CDH18: variants seen among roughly 807,000 people sequenced by gnomAD.
The protein encoded by CDH18 is cadherin-18.
CDH18 carries 31 observed loss-of-function variants against 67.9 expected under a neutral mutation model. The ratio of observed to expected loss-of-function variants is 0.46; its 90% confidence interval spans 0.34 to 0.62. CDH18 has a LOEUF of 0.62. Ranked by LOEUF, CDH18 falls within the 20% of genes least tolerant of loss-of-function variation. CDH18 has a pLI of 0.01. For missense variants in CDH18, 890 were observed against 975.5 expected (o/e 0.91, Z 1.17); for synonymous variants, 362 against 347.2 (o/e 1.04, Z -0.48).
At chr5:20,246,918 AT>A (rs1483085337) in intron 2 of CDH18, among the ~76,000 whole-genome samples, 2 of 152,106 alleles carry the variant, frequency 1.3e-5, no homozygotes, top group Non-Finnish European at 2.9e-5. Flanking sequence ...GCTTTCCTTG[AT>A]TTTCAAAATC....
intron 1 of CDH18, among the ~76,000 whole-genome samples, chr5:20,301,788 TC>T (rs1735943818): frequency 1.1e-4 from 7 of 63,726 alleles, no homozygotes; most frequent in African/African-American, 3.2e-4. Context: ...CTTTCTTTTT[TC>T]TTTTTTTTTT....
chr5:19,501,654 T>C (rs1463206894), intron 11 of CDH18, among the ~76,000 whole-genome samples: 3 of 152,140 alleles, frequency 2.0e-5, no homozygotes, highest in Non-Finnish European at 4.4e-5. Context: ...ATTTTCATTG[T>C]AATGTTATCA....
chr5:20,298,025 A>C (rs938675236), intron 1 of CDH18, among the ~76,000 whole-genome samples: 8 of 151,986 alleles, frequency 5.3e-5, no homozygotes, highest in Non-Finnish European at 1.0e-4. Flanking sequence ...TTCTATTTTC[A>C]CTTGAACTAA....
intron 2 of CDH18, among the ~76,000 whole-genome samples, chr5:20,242,314 A>C (rs1742989964): frequency 1.3e-5 from 2 of 152,032 alleles, no homozygotes; most frequent in East Asian, 1.9e-4. Context: ...GTACTGTTTT[A>C]GCATTTTTGA....
chr5:19,766,153 A>G (rs749295709), intron 3 of CDH18, among the ~76,000 whole-genome samples: 1 of 152,198 alleles, frequency 6.6e-6, no homozygotes, highest in Non-Finnish European at 1.5e-5. Context: ...TGCTGGGATC[A>G]CAGGCGTCAG....
At chr5:20,076,178 T>A (rs1484351779) in intron 2 of CDH18, among the ~76,000 whole-genome samples, 1 of 152,178 alleles carries the variant, frequency 6.6e-6, no homozygotes, top group African/African-American at 2.4e-5. Flanking sequence ...ATATGTGTTA[T>A]ACAATGTACA....
At chr5:19,485,648 C>G (rs1348740193) in intron 11 of CDH18, among the ~76,000 whole-genome samples, 1 of 152,200 alleles carries the variant, frequency 6.6e-6, no homozygotes, top group Non-Finnish European at 1.5e-5. Flanking sequence ...CATGTTTACT[C>G]TCCCAGAAAA....
chr5:19,996,379 C>T (rs1282504882), intron 2 of CDH18, among the ~76,000 whole-genome samples: 1 of 151,948 alleles, frequency 6.6e-6, no homozygotes, highest in South Asian at 2.1e-4. Flanking sequence ...ATATTAATGT[C>T]GTTCCCAAGT....
rs1775390562 is a variant in CDH18 at position 19,783,788 on chromosome 5, A to G, written c.229-36552T>C. Among the ~76,000 whole-genome samples, 3 of 152,186 alleles carry G rather than the reference A, an allele frequency of 2.0e-5. No individual in the cohort carries two copies. In the South Asian group the frequency reaches 6.2e-4, roughly 31 times the overall value. Reference sequence around the variant, plus strand: ...CATTGAGTACTAACTATTAATTCTCATTTATATTCTATAAGACAAGAAAAC... The same window carrying G: ...CATTGAGTACTAACTATTAATTCTCGTTTATATTCTATAAGACAAGAAAAC... On this transcript the variant is annotated intron_variant, in intron 3 of 12. Coordinates refer to ENST00000382275, the MANE Select transcript of CDH18 (RefSeq NM_004934.5).
At chr5:19,871,381 C>T (rs1045906059) in intron 2 of CDH18, among the ~76,000 whole-genome samples, 3 of 138,824 alleles carry the variant, frequency 2.2e-5, no homozygotes, top group Non-Finnish European at 4.9e-5. Context: ...TATTCATAAA[C>T]TTATCACATC....
chr5:19,926,383 T>C (rs1319330761), intron 2 of CDH18, among the ~76,000 whole-genome samples: 4 of 152,188 alleles, frequency 2.6e-5, no homozygotes, highest in Admixed American at 6.5e-5. Context: ...TAACCAACTT[T>C]TGTACAGACC....
chr5:20,263,598 T>C (rs1580615550), intron 1 of CDH18, among the ~76,000 whole-genome samples: 1 of 152,280 alleles, frequency 6.6e-6, no homozygotes, highest in East Asian at 1.9e-4. Context: ...TAAAAAATGA[T>C]TGATGCATGG....
intron 5 of CDH18, among the ~76,000 whole-genome samples, chr5:19,655,570 T>C (rs1756244939): frequency 6.6e-6 from 1 of 152,062 alleles, no homozygotes; most frequent in Non-Finnish European, 1.5e-5. Flanking sequence ...TTGTCATATT[T>C]GTCAATGTTT....
intron 1 of CDH18, among the ~76,000 whole-genome samples, chr5:20,390,071 G>C (rs1669424144): frequency 6.6e-6 from 1 of 152,140 alleles, no homozygotes; most frequent in African/African-American, 2.4e-5. Context: ...TAAGGACATA[G>C]GCATAGGCAA....
chr5:19,984,567 G>A (rs2150370527), intron 1 of CDH18, among the ~76,000 whole-genome samples: 1 of 152,222 alleles, frequency 6.6e-6, no homozygotes, highest in African/African-American at 2.4e-5. Flanking sequence ...ATAACTGAAA[G>A]ACTCAGCATG....
intron 11 of CDH18, among the ~76,000 whole-genome samples, chr5:19,492,504 T>A (rs1353095): frequency 1.3e-5 from 2 of 152,122 alleles, no homozygotes; most frequent in African/African-American, 4.8e-5. Context: ...AATTATTTGA[T>A]GTTAAAATTA....
At chr5:19,702,149 T>TG (rs1491506187) in intron 5 of CDH18, among the ~76,000 whole-genome samples, 3 of 2,588 alleles carry the variant, frequency 1.2e-3, no homozygotes, top group African/African-American at 1.5e-3. Context: ...TTTCTCTCTC[T>TG]TTTTTTTTTT....
At chr5:19,896,710 G>T (rs1395779495) in intron 2 of CDH18, among the ~76,000 whole-genome samples, 1 of 152,218 alleles carries the variant, frequency 6.6e-6, no homozygotes, top group Non-Finnish European at 1.5e-5. Context: ...TACTATATGT[G>T]TGATAATATT....
intron 9 of CDH18, among the ~76,000 whole-genome samples, chr5:19,542,312 C>T (rs1251975106): frequency 6.6e-6 from 1 of 152,066 alleles, no homozygotes; most frequent in Admixed American, 6.6e-5. Context: ...AATAGGAAAC[C>T]CTATTGCTGT....
Sources: allele counts gnomAD v4.1 joint callset (sites outside exome capture counted in the v4.1 genomes callset), GRCh38; gene constraint gnomAD v4.1.1; transcripts MANE v1.5; gene names NCBI Gene and HGNC (gene_info 2026-07-23, HGNC 2026-07-21).